The following NAV2 variants were observed in gnomAD, a reference collection of about 807,000 sequenced individuals.
NAV2 encodes neuron navigator 2.
In NAV2, 54 loss-of-function variants were observed where a neutral mutation model predicts 223.2. That is an observed-to-expected ratio of 0.24 (90% CI 0.19 to 0.30). NAV2 has a LOEUF of 0.30. NAV2 is among the 10% of genes least tolerant of loss of function. NAV2 has a pLI of 1.00. For synonymous variants in NAV2, 1,279 were observed against 1,239.3 expected, an observed-to-expected ratio of 1.03 and a Z score of -0.67; for missense variants, 2,806 against 3,147.5, an observed-to-expected ratio of 0.89 and a Z score of 2.60.
chr11:20,006,865 A>G (rs143224344), intron 11 of NAV2, among the ~76,000 whole-genome samples: 2 of 152,270 alleles, frequency 1.3e-5, no homozygotes, highest in Non-Finnish European at 2.9e-5. Context: ...AAGAAAAACA[A>G]CAGAGGACCA....
chr11:19,880,250 G>T lies in NAV2; in HGVS notation c.770+123G>T, dbSNP rs1270608519. On this transcript the variant is annotated intron_variant, in intron 5 of 37. Transcript: ENST00000349880. ...TTCTTCAATGCTGAGAGCTACTGGT[G>T]GTTAGTGGGAAATTAGCATGGCCTT... 14 of 1,341,382 alleles carry T rather than the reference G, an allele frequency of 1.0e-5. No individual in the cohort carries two copies. The South Asian group carries it at 2.0e-4, about 19-fold the overall frequency. 83.1% of individuals were successfully genotyped at this position (1,341,382 alleles called of 1,614,324 possible).
intron 1 of NAV2, among the ~76,000 whole-genome samples, chr11:19,446,690 T>C (rs1851596127): frequency 6.6e-6 from 1 of 152,220 alleles, no homozygotes; most frequent in South Asian, 2.1e-4. Context: ...AGAGTCATCA[T>C]TAATGCAAAC....
chr11:19,818,894 C>T (rs2059239947), intron 1 of NAV2, among the ~76,000 whole-genome samples: 1 of 152,190 alleles, frequency 6.6e-6, no homozygotes, highest in Non-Finnish European at 1.5e-5. Context: ...TCATCTGTCC[C>T]ACCCATTAGT....
At chr11:19,910,061 C>T (rs968380851) in intron 6 of NAV2, among the ~76,000 whole-genome samples, 1 of 152,092 alleles carries the variant, frequency 6.6e-6, no homozygotes, top group Non-Finnish European at 1.5e-5. Flanking sequence ...AGGTATTTTG[C>T]ATACGTAGTC....
At chr11:19,686,190 C>T (rs931588147) in intron 1 of NAV2, among the ~76,000 whole-genome samples, 1 of 152,136 alleles carries the variant, frequency 6.6e-6, no homozygotes, top group African/African-American at 2.4e-5. Context: ...ATGGTGACAT[C>T]GCTGCCTCCA....
At chr11:19,349,025 A>G (rs1320911117), upstream of NAV2, among the ~76,000 whole-genome samples, 1 of 152,114 alleles carries the variant, frequency 6.6e-6, no homozygotes, top group Non-Finnish European at 1.5e-5. Flanking sequence ...AGTGGTGGTG[A>G]GCAAAAAGCG....
chr11:19,715,691 C>A (rs968132182), intron 1 of NAV2, among the ~76,000 whole-genome samples: 1 of 152,046 alleles, frequency 6.6e-6, no homozygotes, highest in Non-Finnish European at 1.5e-5. Flanking sequence ...TCACCCTGTC[C>A]GTGAAAAAAA....
intron 11 of NAV2, among the ~76,000 whole-genome samples, chr11:19,985,566 TGTTGTTG>T (rs2050716952): frequency 1.3e-5 from 2 of 151,776 alleles, no homozygotes; most frequent in African/African-American, 4.9e-5. Context: ...TTTGTTTTTT[TGTTGTTG>T]TTTGTTTGTT....
chr11:19,587,326 C>T (rs894748171), intron 1 of NAV2, among the ~76,000 whole-genome samples: 3 of 152,186 alleles, frequency 2.0e-5, no homozygotes, highest in Non-Finnish European at 2.9e-5. Context: ...TTGCACATCC[C>T]GGGTGAGGCG....
intron 4 of NAV2, among the ~76,000 whole-genome samples, chr11:19,877,068 C>T (rs1446995019): frequency 6.6e-6 from 1 of 151,864 alleles, no homozygotes; most frequent in Non-Finnish European, 1.5e-5. Context: ...TCAAGTTACA[C>T]AGTGTTAGGA....
chr11:20,001,117 T>G (rs1591609287), intron 11 of NAV2, among the ~76,000 whole-genome samples: 1 of 152,172 alleles, frequency 6.6e-6, no homozygotes, highest in Middle Eastern at 3.4e-3. Flanking sequence ...CACCAAACAC[T>G]TGGCAGTCTC....
Position 20,074,517 on chromosome 11 carries a change from A to G in NAV2, c.4984-3035A>G, listed in dbSNP as rs370574604. Among the ~76,000 whole-genome samples, 11 of 152,192 alleles carry G rather than the reference A, an allele frequency of 7.2e-5. No individual in the cohort carries two copies. In the East Asian group the frequency reaches 1.4e-3, roughly 19 times the overall value. On this transcript the variant is annotated intron_variant, in intron 22 of 37. Transcript: ENST00000349880. ...AATTTTCTGTTTTGTTCATCTGTCTAATATTGACAGTAGGGTGTTAAAGTC... is the reference window on the plus strand; with the variant it reads ...AATTTTCTGTTTTGTTCATCTGTCTGATATTGACAGTAGGGTGTTAAAGTC...
chr11:20,090,912 G>A lies in NAV2; in HGVS notation c.5546G>A (p.Arg1849Gln), dbSNP rs1412836471. 3.7e-6 allele frequency: 6 copies of A among 1,613,954 alleles called. No homozygotes were observed. The highest frequency in any genetic ancestry group is 2.2e-5 in the South Asian group (2 of 91,070). The change falls in exon 27 of 38, where the codon CGA becomes CAA. Residue 1849 changes from arginine (R) to glutamine (Q), a missense_variant. Arg to Gln is a conservative substitution (Grantham distance 43). Coordinates refer to ENST00000349880, the MANE Select transcript of NAV2 (RefSeq NM_145117.5). The stretch of plus-strand genomic sequence containing the variant: ...GAAGCTGAGACCGTCATGCAGCTCC[G>A]AAATGAGTTAAGAGACAAGGAGATG... Reference protein sequence around the residue: ...DSEAETVMQLRNELRDKEMKL... With the variant: ...DSEAETVMQLQNELRDKEMKL...
intron 1 of NAV2, among the ~76,000 whole-genome samples, chr11:19,827,468 G>A (rs1311477951): frequency 1.3e-5 from 2 of 152,146 alleles, no homozygotes; most frequent in East Asian, 3.9e-4. Context: ...TTTGCCAGCC[G>A]CTGCCTTATA....
At chr11:19,704,109 G>A (rs1330265503) in intron 1 of NAV2, among the ~76,000 whole-genome samples, 1 of 152,116 alleles carries the variant, frequency 6.6e-6, no homozygotes, top group African/African-American at 2.4e-5. Flanking sequence ...ACTGGTCGAA[G>A]TTGTCTTTGC....
At chr11:19,867,279 G>GCA (rs2062154907) in intron 3 of NAV2, among the ~76,000 whole-genome samples, 3 of 152,168 alleles carry the variant, frequency 2.0e-5, no homozygotes, top group Non-Finnish European at 4.4e-5. Flanking sequence ...GCACCTGGTT[G>GCA]TCTGCATTTA....
intron 1 of NAV2, among the ~76,000 whole-genome samples, chr11:19,561,180 T>C (rs973691501): frequency 2.6e-5 from 4 of 152,192 alleles, no homozygotes; most frequent in African/African-American, 9.6e-5. Flanking sequence ...AAAGACAGAA[T>C]GTGTGTTGGG....
chr11:19,351,092 G>T, intron 1 of NAV2: 1 of 1,437,278 alleles, frequency 7.0e-7, no homozygotes, highest in Non-Finnish European at 9.6e-7. Context: ...GATTCAGAGA[G>T]CATAGGTGGT....
intron 10 of NAV2, among the ~76,000 whole-genome samples, chr11:19,969,878 G>A (rs1229294581): frequency 9.9e-5 from 15 of 151,716 alleles, no homozygotes; most frequent in African/African-American, 3.4e-4. Flanking sequence ...CCCGGGAGGC[G>A]GAGCTTGCAG....
Sources: gnomAD v4.1 joint callset for allele counts (sites outside exome capture counted in the v4.1 genomes callset) on GRCh38, gnomAD v4.1.1 for gene constraint, MANE v1.5 for transcripts, NCBI Gene and HGNC (gene_info 2026-07-23, HGNC 2026-07-21) for gene names.